The following TGFB1 variants were observed in gnomAD, a reference collection of about 807,000 sequenced individuals.
TGFB1 encodes the protein transforming growth factor beta-1 proprotein.
Under a neutral mutation model 43.8 loss-of-function variants are expected in TGFB1, and 19 were observed. The observed-to-expected ratio is 0.43, with a 90% confidence interval of 0.30 to 0.64. TGFB1 has a LOEUF of 0.64. Among genes scored for constraint, TGFB1 ranks in the 30% least tolerant of loss-of-function variants. TGFB1 has a pLI of 0.11. For missense variants in TGFB1, 445 were observed against 529.8 expected (o/e 0.84, Z 1.57); for synonymous variants, 221 against 236.3 (o/e 0.94, Z 0.60).
At position 41,332,248 on chromosome 19, in the gene TGFB1, C is replaced by T. The variant is rs779818818; in HGVS notation, c.894G>A (p.Leu298=). The part of the protein sequence containing the change: ...STEKNCCVRQ[L]YIDFRKDLGW... ...CGAGGTCCTTGCGGAAGTCAATGTA[C>T]AGCTGCCGCACGCAGCAGTTCTTCT... Residue 298 remains leucine (L), a synonymous_variant, in exon 6 of 7, where the codon CTG becomes CTA. Coordinates refer to ENST00000221930, the MANE Select transcript of TGFB1 (RefSeq NM_000660.7). The T allele has an allele frequency of 1.9e-6, 3 of 1,614,184 alleles. No individual in the cohort carries two copies. The South Asian group carries it at 3.3e-5, about 18-fold the overall frequency.
intron 3 of TGFB1, 86 bp downstream of exon 3, chr19:41,344,661 A>T (rs2038095255): frequency 8.1e-7 from 1 of 1,227,064 alleles, no homozygotes; most frequent in Admixed American, 1.7e-5. Flanking sequence ...TGGGGCGGAG[A>T]GGGGTCCTAG....
chr19:41,332,862 C>A (rs900911613), intron 5 of TGFB1, among the ~76,000 whole-genome samples: 2 of 152,188 alleles, frequency 1.3e-5, no homozygotes, highest in African/African-American at 4.8e-5. Context: ...AAGTGCAAGA[C>A]CCTGTCTCTA....
chr19:41,340,317 C>A (rs143397998), intron 5 of TGFB1, among the ~76,000 whole-genome samples: 1 of 146,844 alleles, frequency 6.8e-6, no homozygotes, highest in Non-Finnish European at 1.5e-5. Context: ...AGTGCAGTGG[C>A]GCGATCTCGG....
In TGFB1 at chr19:41,353,275, G is replaced by A. The variant is rs2038238784; in HGVS notation, c.-231C>T. On this transcript the variant is annotated 5_prime_UTR_variant, in exon 1 of 7. Transcript: ENST00000221930. This position sits in a 1 kb window ranked among gnomAD's most constrained non-coding sequence, Gnocchi z 5.9. ...TGGGCGCGATCTGGTACCAGAAGGT[G>A]GGTGGTCTTGAATAGGGGATCTGTG... 1.9e-6 allele frequency: 1 copy of A among 535,912 alleles called. No homozygotes were observed. The highest frequency in any genetic ancestry group is 2.0e-5 in the African/African-American group (1 of 49,708). 33.2% of individuals were successfully genotyped at this position (535,912 alleles called of 1,614,324 possible).
intron 5 of TGFB1, among the ~76,000 whole-genome samples, chr19:41,335,797 C>A (rs1185811945): frequency 2.0e-5 from 3 of 152,054 alleles, no homozygotes; most frequent in Admixed American, 6.6e-5. Context: ...TAAGACCAGC[C>A]TGGGGAGCAT....
intron 5 of TGFB1, among the ~76,000 whole-genome samples, chr19:41,340,287 C>G (rs538279481): frequency 7.2e-6 from 1 of 138,490 alleles, no homozygotes; most frequent in Non-Finnish European, 1.5e-5. Context: ...GATGGAGTCT[C>G]GCATCATTGC....
chr19:41,344,828 G>A lies in TGFB1; in HGVS notation c.553C>T (p.Arg185Trp), dbSNP rs201055697. The change falls in exon 3 of 7, where the codon CGG (arginine) becomes TGG (tryptophan). Residue 185 changes from arginine (R) to tryptophan (W), a missense_variant. Coordinates refer to ENST00000221930, the MANE Select transcript of TGFB1 (RefSeq NM_000660.7). ...GGCGAGTCGCTGGGTGCCAGCAGCC[G>A]GTTGCTGAGGTATCGCCAGGAATTG... is the stretch of plus-strand genomic sequence containing the variant. Reference protein sequence around the residue: ...SNNSWRYLSNRLLAPSDSPEW... With the variant: ...SNNSWRYLSNWLLAPSDSPEW... 414 of 1,606,382 alleles carry A rather than the reference G, an allele frequency of 2.6e-4. No homozygotes were observed. Among genetic ancestry groups the A allele is most frequent in the Non-Finnish European group, 3.5e-4 (408 of 1,176,448 alleles).
chr19:41,339,781 G>A (rs183039715), intron 5 of TGFB1, among the ~76,000 whole-genome samples: 16 of 152,166 alleles, frequency 1.1e-4, no homozygotes, highest in Admixed American at 2.6e-4. Context: ...CCGAGATCAC[G>A]CCACTGCACT....
At chr19:41,350,297 G>GTC (rs1247815245) in intron 1 of TGFB1, among the ~76,000 whole-genome samples, 1 of 143,218 alleles carries the variant, frequency 7.0e-6, no homozygotes, top group Non-Finnish European at 1.5e-5. Context: ...GAATTAAGGT[G>GTC]TTTTCTTTTC....
Position 41,330,854 on chromosome 19 carries a change from G to A in TGFB1, c.*198C>T, listed in dbSNP as rs1568473720. ...AGAGAGGGAGAGAGAGGGAGTGGGA[G>A]TGGGGGAACGTCAGGGATGGAGACC... On this transcript the variant is annotated 3_prime_UTR_variant, in exon 7 of 7. Coordinates refer to ENST00000221930, the MANE Select transcript of TGFB1 (RefSeq NM_000660.7). The A allele has an allele frequency of 5.7e-6, 3 of 527,896 alleles. No homozygotes were observed. The highest frequency in any genetic ancestry group is 2.0e-5 in the African/African-American group (1 of 48,928). The allele number at this position is 527,896 out of a possible 1,614,324, so 32.7% of individuals were successfully genotyped here.
intron 6 of TGFB1, among the ~76,000 whole-genome samples, 180 bp from the exon 7 acceptor site, chr19:41,331,390 C>G (rs1040504521): frequency 6.6e-6 from 1 of 151,954 alleles, no homozygotes; most frequent in Admixed American, 6.6e-5. Flanking sequence ...TATTCTGTCT[C>G]TCCCCACCTG....
chr19:41,342,911 T>TA (rs2038074916), intron 3 of TGFB1, among the ~76,000 whole-genome samples: 1 of 151,160 alleles, frequency 6.6e-6, no homozygotes. Context: ...CCTCCCGAAG[T>TA]GCTGGGATTA....
chr19:41,348,170 G>T, intron 2 of TGFB1, 125 bp downstream of exon 2: 6 of 1,068,026 alleles, frequency 5.6e-6, no homozygotes, highest in Non-Finnish European at 8.5e-6. Flanking sequence ...TATGGTTTGT[G>T]TTCTTCTATC....
chr19:41,330,897 G>A lies in TGFB1; in HGVS notation c.*155C>T. 1.6e-6 allele frequency: 1 copy of A among 611,352 alleles called. No homozygotes were observed. Among genetic ancestry groups the A allele is most frequent in the Non-Finnish European group, 2.7e-6 (1 of 374,198 alleles). The allele number at this position is 611,352 out of a possible 1,614,324, so 37.9% of individuals were successfully genotyped here. On this transcript the variant is annotated 3_prime_UTR_variant, in exon 7 of 7. Coordinates refer to ENST00000221930, the MANE Select transcript of TGFB1 (RefSeq NM_000660.7). The stretch of plus-strand genomic sequence containing the variant: ...TGGAGACCCCAGGCAGGCGCCCAAT[G>A]ACACAGAGATCCGCAGTCCTCTCTC...
At position 41,348,298 on chromosome 19, in the gene TGFB1, G is replaced by A. The variant is rs775440657; in HGVS notation, c.513C>T (p.Tyr171=). 6.2e-7 allele frequency: 1 copy of A among 1,612,626 alleles called. No homozygotes were observed. Among genetic ancestry groups the A allele is most frequent in the Admixed American group, 1.7e-5 (1 of 59,968 alleles). ...TCCTTCTGGCTCATGTCCTCACCTG[G>A]TACAGCTCCACGTGCTGCTCCACTT... ...KLKVEQHVEL[Y]QKYSNNSWRY... Residue 171 remains tyrosine (Y), a synonymous_variant, in exon 2 of 7, where the codon TAC becomes TAT. Coordinates refer to ENST00000221930, the MANE Select transcript of TGFB1 (RefSeq NM_000660.7).
chr19:41,330,942 G>T lies in TGFB1; in HGVS notation c.*110C>A. On this transcript the variant is annotated 3_prime_UTR_variant, in exon 7 of 7. Coordinates refer to ENST00000221930, the MANE Select transcript of TGFB1 (RefSeq NM_000660.7). ...TCTCTCCATCTTTAATGGGGCCCCA[G>T]GTGGGCTTGGGGCACGGGTGTCCTT... is the stretch of plus-strand genomic sequence containing the variant. The T allele has an allele frequency of 9.4e-7, 1 of 1,059,882 alleles. No individual in the cohort carries two copies. The highest frequency in any genetic ancestry group is 1.3e-6 in the Non-Finnish European group (1 of 777,046). The allele number at this position is 1,059,882 out of a possible 1,614,324, so 65.7% of individuals were successfully genotyped here.
chr19:41,333,682 C>T (rs181335346), intron 5 of TGFB1, among the ~76,000 whole-genome samples: 1 of 152,258 alleles, frequency 6.6e-6, no homozygotes, highest in East Asian at 1.9e-4. Context: ...TAAACCTTAG[C>T]TCAAATGTCC....
intron 2 of TGFB1, among the ~76,000 whole-genome samples, chr19:41,346,870 T>C (rs2288874): frequency 0.61 from 92,779 of 150,996 alleles, 29,513 homozygotes; most frequent in African/African-American, 0.78. Flanking sequence ...GGATTACAGG[T>C]GCCTGCCACC....
intron 2 of TGFB1, 98 bp from the exon 3 acceptor site, chr19:41,344,962 A>G (rs543941356): frequency 1.7e-6 from 2 of 1,208,278 alleles, no homozygotes; most frequent in Admixed American, 4.0e-5. Context: ...TTCCCCAAAC[A>G]GGCTTCCAGA....
Sources: gnomAD v4.1 joint callset for allele counts (sites outside exome capture counted in the v4.1 genomes callset) on GRCh38, gnomAD v4.1.1 for gene constraint, Gnocchi (gnomAD v3.1) non-coding constraint, MANE v1.5 for transcripts, NCBI Gene and HGNC (gene_info 2026-07-23, HGNC 2026-07-21) for gene names.